The following PTPRT variants were observed in gnomAD, a reference collection of about 807,000 sequenced individuals.
The protein encoded by PTPRT is protein tyrosine phosphatase receptor type T.
A neutral mutation model predicts 176.8 loss-of-function variants in PTPRT; 56 were observed. That is an observed-to-expected ratio of 0.32 (90% CI 0.26 to 0.40). The LOEUF (loss-of-function observed/expected upper bound fraction) is 0.40, where lower values mean the gene tolerates loss of function less well. Ranked by LOEUF, PTPRT falls within the 10% of genes least tolerant of loss-of-function variation. PTPRT has a pLI of 1.00. For synonymous variants in PTPRT, 783 were observed against 739.0 expected (o/e 1.06, Z -0.96); for missense variants, 1,540 against 1,908.2 (o/e 0.81, Z 3.60).
intron 22 of PTPRT, among the ~76,000 whole-genome samples, chr20:42,113,485 A>G (rs1407700719): frequency 1.3e-5 from 2 of 152,196 alleles, no homozygotes; most frequent in Non-Finnish European, 2.9e-5. Context: ...CTCAGCTGAC[A>G]GGGGCTGGCC....
intron 12 of PTPRT, among the ~76,000 whole-genome samples, chr20:42,289,369 G>A (rs1052771581): frequency 2.6e-5 from 4 of 151,946 alleles, no homozygotes; most frequent in African/African-American, 9.7e-5. Context: ...GAAAATATTT[G>A]TAAACTATGC....
At chr20:42,221,171 T>C (rs894577848) in intron 15 of PTPRT, among the ~76,000 whole-genome samples, 2 of 152,084 alleles carry the variant, frequency 1.3e-5, no homozygotes, top group Non-Finnish European at 2.9e-5. Flanking sequence ...ACCCAGCTCA[T>C]TTTTGTATTT....
chr20:42,125,071 G>A (rs1987787709), intron 19 of PTPRT, among the ~76,000 whole-genome samples: 1 of 152,114 alleles, frequency 6.6e-6, no homozygotes, highest in Non-Finnish European at 1.5e-5. Flanking sequence ...GTTCTTGAAG[G>A]GCAGCCCTCT....
chr20:42,596,449 G>A (rs1000604735), intron 7 of PTPRT, among the ~76,000 whole-genome samples: 14 of 152,222 alleles, frequency 9.2e-5, no homozygotes, highest in African/African-American at 2.9e-4. Flanking sequence ...GGAATACCAC[G>A]GCGGTCTTTG....
At chr20:42,408,996 T>G (rs933113778) in intron 9 of PTPRT, among the ~76,000 whole-genome samples, 2 of 152,168 alleles carry the variant, frequency 1.3e-5, no homozygotes, top group Admixed American at 6.5e-5. Flanking sequence ...CCTCATGACT[T>G]AATCACCTCC....
chr20:43,112,611 G>A (rs1157650529), intron 1 of PTPRT, among the ~76,000 whole-genome samples: 1 of 152,202 alleles, frequency 6.6e-6, no homozygotes, highest in Non-Finnish European at 1.5e-5. Context: ...TTGTGCATTT[G>A]GAATGAAAAT....
At chr20:42,118,528 G>T in intron 20 of PTPRT, 28 bp from the exon 21 acceptor site, 1 of 1,573,188 alleles carries the variant, frequency 6.4e-7, no homozygotes, top group South Asian at 1.2e-5. Context: ...AGTGAGGTTA[G>T]AGAATGCAAG....
In PTPRT at chr20:42,102,219, G is replaced by C. The variant is rs1986008577; in HGVS notation, c.3619C>G (p.Arg1207Gly). The change falls in exon 26 of 31, where the codon CGA becomes GGA. Residue 1207 changes from arginine (R) to glycine (G), a missense_variant. Physicochemically the swap from Arg to Gly is moderately radical, Grantham distance 125 (BLOSUM62 -2). Around this residue, in one of 11 missense-constraint regions of PTPRT, gnomAD observed 342 missense variants for 394.0 expected, o/e 0.87. Transcript: ENST00000373187. ...GLLPRNHDKN[R>G]SMDVLPLDRC... ...TCCAGAGGCAGCACGTCCATACTTC[G>C]ATTCTTATCATGGTTCCGGGGCAGG... The C allele has an allele frequency of 6.2e-7, 1 of 1,614,044 alleles. No homozygotes were observed. Among genetic ancestry groups the C allele is most frequent in the Non-Finnish European group, 8.5e-7 (1 of 1,180,030 alleles).
At chr20:42,466,661 A>G (rs2071106882) in intron 8 of PTPRT, among the ~76,000 whole-genome samples, 1 of 152,178 alleles carries the variant, frequency 6.6e-6, no homozygotes, top group Non-Finnish European at 1.5e-5. Flanking sequence ...TATGTATAAA[A>G]TGTGTTGAAT....
chr20:43,010,350 T>C (rs6016937), intron 1 of PTPRT, among the ~76,000 whole-genome samples: 59,819 of 151,916 alleles, frequency 0.39, 12,894 homozygotes, highest in African/African-American at 0.56. Context: ...TTTCCAGCAG[T>C]ATCTCCTTCC....
intron 2 of PTPRT, among the ~76,000 whole-genome samples, chr20:42,839,310 T>G (rs888390390): frequency 2.0e-5 from 3 of 151,460 alleles, no homozygotes; most frequent in African/African-American, 7.3e-5. Flanking sequence ...TCACTCTGTT[T>G]TTTTTTTTTT....
intron 13 of PTPRT, among the ~76,000 whole-genome samples, chr20:42,271,123 C>A (rs1347115928): frequency 6.6e-6 from 1 of 152,092 alleles, no homozygotes; most frequent in East Asian, 1.9e-4. Context: ...AACTTCAAAC[C>A]ACCTCACTCA....
chr20:42,668,934 TCTC>T (rs2075367186), intron 7 of PTPRT, among the ~76,000 whole-genome samples: 2 of 145,932 alleles, frequency 1.4e-5, no homozygotes, highest in South Asian at 4.4e-4. Context: ...ATGGTCTCGA[TCTC>T]CTGACCTCAT....
chr20:42,588,261 C>T (rs551209836), intron 7 of PTPRT, among the ~76,000 whole-genome samples: 8 of 152,162 alleles, frequency 5.3e-5, no homozygotes, highest in East Asian at 1.9e-4. Context: ...CTGGTCAACA[C>T]GGTGAAATGC....
At chr20:42,082,562 C>G (rs1337984408) in intron 29 of PTPRT, among the ~76,000 whole-genome samples, 1 of 152,200 alleles carries the variant, frequency 6.6e-6, no homozygotes, top group Non-Finnish European at 1.5e-5. Context: ...CCAGCCCAAG[C>G]TTGGAGGTAG....
chr20:42,331,012 G>A (rs148739017), intron 11 of PTPRT, among the ~76,000 whole-genome samples: 58 of 152,312 alleles, frequency 3.8e-4, no homozygotes, highest in African/African-American at 1.3e-3. Context: ...TAGGGGACTG[G>A]AAAGCTTGCT....
intron 12 of PTPRT, among the ~76,000 whole-genome samples, chr20:42,306,132 G>T (rs538855235): frequency 6.6e-6 from 1 of 152,252 alleles, no homozygotes; most frequent in Non-Finnish European, 1.5e-5. Flanking sequence ...GCTCCCTCAG[G>T]TCTCATACCA....
intron 7 of PTPRT, among the ~76,000 whole-genome samples, chr20:42,587,238 T>C (rs1257940153): frequency 6.6e-6 from 1 of 152,198 alleles, no homozygotes; most frequent in South Asian, 2.1e-4. Context: ...GTCCCAAACA[T>C]GCAATTGCAT....
chr20:42,720,480 A>G (rs1009492816), intron 6 of PTPRT, among the ~76,000 whole-genome samples: 5 of 152,228 alleles, frequency 3.3e-5, no homozygotes, highest in African/African-American at 9.6e-5. Context: ...AAACTGACGT[A>G]TAAGTTAGAT....
Sources: gnomAD v4.1 joint callset for allele counts (sites outside exome capture counted in the v4.1 genomes callset) on GRCh38, gnomAD v4.1.1 for gene constraint, gnomAD v4.1.1 regional missense constraint, MANE v1.5 for transcripts, NCBI Gene and HGNC (gene_info 2026-07-23, HGNC 2026-07-21) for gene names.